Variants in RGL2 observed in about 807,000 individuals in gnomAD.
RGL2 encodes ral guanine nucleotide dissociation stimulator-like 2.
RGL2 carries 40 observed loss-of-function variants against 84.6 expected under a neutral mutation model. The ratio of observed to expected loss-of-function variants is 0.47; its 90% CI spans 0.37 to 0.62. RGL2 has a LOEUF of 0.62. RGL2 is among the 20% of genes least tolerant of loss of function. The pLI is 0.00. For synonymous variants in RGL2, 369 were observed against 417.3 expected, an observed-to-expected ratio of 0.88 and a Z score of 1.41; for missense variants, 865 against 1,019.7, an observed-to-expected ratio of 0.85 and a Z score of 2.07.
intron 16 of RGL2, 86 bp from the exon 17 acceptor site, chr6:33,292,630 T>C (rs1767524569): frequency 9.1e-7 from 1 of 1,093,716 alleles, no homozygotes; most frequent in Admixed American, 1.8e-5. Flanking sequence ...AACCACAAAA[T>C]GTTACTTGTG....
Position 33,291,849 on chromosome 6 carries a change from C to G in RGL2, c.*253G>C, listed in dbSNP as rs7754065. 729 of 587,790 alleles carry G rather than the reference C, an allele frequency of 1.2e-3. 5 individuals carry two copies. The highest frequency in any genetic ancestry group is 0.012 in the African/African-American group (649 of 53,534). The allele number at this position is 587,790 out of a possible 1,614,324, so 36.4% of individuals were successfully genotyped here. ...AGAATCAGAAACTGATGCGTTTTTC[C>G]AGCACTACCTGTGTGCTGCACTCAT... On this transcript the variant is annotated 3_prime_UTR_variant, in exon 18 of 18. Coordinates refer to ENST00000497454, the MANE Select transcript of RGL2 (RefSeq NM_004761.5).
rs1266051426 is a variant in RGL2 at position 33,294,433 on chromosome 6, G to A, written c.1353+255C>T. ...CAGGAGCCCATCACAAAACCTAGATGTGCTTACGTTTCAGGCACGTTCTAA... is the reference window on the plus strand; with the variant it reads ...CAGGAGCCCATCACAAAACCTAGATATGCTTACGTTTCAGGCACGTTCTAA... On this transcript the variant is annotated intron_variant, in intron 11 of 17. Coordinates refer to ENST00000497454, the MANE Select transcript of RGL2 (RefSeq NM_004761.5). This position sits in a 1 kb window ranked among gnomAD's most constrained non-coding sequence, Gnocchi z 5.0. Among the ~76,000 whole-genome samples, 1 of 152,110 alleles carries A rather than the reference G, an allele frequency of 6.6e-6. No individual in the cohort carries two copies. The highest frequency in any genetic ancestry group is 1.9e-4 in the East Asian group (1 of 5,190).
At position 33,294,278 on chromosome 6, in the gene RGL2, G is replaced by C. The variant is rs532194605; in HGVS notation, c.1354-212C>G. ...CCCTTTAAATTGAATTTCTCAGGTA[G>C]ACAACGAGTCTGCTTTGCAGATGAG... On this transcript the variant is annotated intron_variant, in intron 11 of 17. Coordinates refer to ENST00000497454, the MANE Select transcript of RGL2 (RefSeq NM_004761.5). This position sits in a 1 kb window ranked among gnomAD's most constrained non-coding sequence, Gnocchi z 5.0. Among the ~76,000 whole-genome samples, 7 of 152,112 alleles carry C rather than the reference G, an allele frequency of 4.6e-5. No homozygotes were observed. In the South Asian group the frequency reaches 1.5e-3, roughly 32 times the overall value.
chr6:33,296,932 C>A lies in RGL2; in HGVS notation c.240+100G>T. ...CTATGTCACACAGCAGAGTCCAGGA[C>A]TCCAGAACTCCAACCTAGCACTCTG... On this transcript the variant is annotated intron_variant, in intron 3 of 17. Coordinates refer to ENST00000497454, the MANE Select transcript of RGL2 (RefSeq NM_004761.5). The surrounding 1 kb of genome is among the most constrained non-coding windows in gnomAD (Gnocchi z 5.0). The A allele has an allele frequency of 6.7e-7, 1 of 1,485,376 alleles. No homozygotes were observed. Among genetic ancestry groups the A allele is most frequent in the Non-Finnish European group, 9.4e-7 (1 of 1,063,506 alleles). 92.0% of individuals were successfully genotyped at this position (1,485,376 alleles called of 1,614,324 possible).
chr6:33,295,838 G>A lies in RGL2; in HGVS notation c.769-79C>T. The stretch of plus-strand genomic sequence containing the variant: ...CAATATCAGGGATCTGAGGATCTCA[G>A]GTGGCCAAGGAACCAGAGGGGCACA... On this transcript the variant is annotated intron_variant, in intron 6 of 17. Coordinates refer to ENST00000497454, the MANE Select transcript of RGL2 (RefSeq NM_004761.5). This position sits in a 1 kb window ranked among gnomAD's most constrained non-coding sequence, Gnocchi z 7.2. The A allele has an allele frequency of 1.3e-6, 2 of 1,532,732 alleles. No homozygotes were observed. Among genetic ancestry groups the A allele is most frequent in the Admixed American group, 3.5e-5 (2 of 56,492 alleles). 94.9% of individuals were successfully genotyped at this position (1,532,732 alleles called of 1,614,324 possible). A position where few individuals can be genotyped will look rare whatever the true frequency, so the allele number is the denominator to read the frequency against.
chr6:33,298,885 G>A lies in RGL2; in HGVS notation c.-57C>T, dbSNP rs928099878. The A allele has an allele frequency of 8.9e-6, 3 of 337,584 alleles. No homozygotes were observed. Among genetic ancestry groups the A allele is most frequent in the African/African-American group, 2.1e-5 (1 of 47,010 alleles). 20.9% of individuals were successfully genotyped at this position (337,584 alleles called of 1,614,324 possible). On this transcript the variant is annotated 5_prime_UTR_variant, in exon 1 of 18. Coordinates refer to ENST00000497454, the MANE Select transcript of RGL2 (RefSeq NM_004761.5). This position sits in a 1 kb window ranked among gnomAD's most constrained non-coding sequence, Gnocchi z 4.8. ...AGGCTCTGACCTGCTCGGGAGGGGT[G>A]GGGGCAGCGTGGGTCCTGAGCCGCT...
In RGL2 at chr6:33,296,678, A is replaced by T. The variant is rs774553562; in HGVS notation, c.339T>A (p.Asp113Glu). ...CCAGGAAGGCTGACATGAAGCTCAC[A>T]TCAGTCCCTGATGTCCGGGTATCCA... ...HLLDTRTSGT[D>E]VSFMSAFLAT... Residue 113 changes from aspartate (D) to glutamate (E), a missense_variant, in exon 4 of 18, where the codon GAT becomes GAA. By Grantham distance (45) the Asp-to-Glu change is conservative. This residue lies in a region of RGL2 where 455 missense variants were observed against 507.8 expected (regional missense o/e 0.90). Transcript: ENST00000497454. This position sits in a 1 kb window ranked among gnomAD's most constrained non-coding sequence, Gnocchi z 5.0. 2 of 1,613,952 alleles carry T rather than the reference A, an allele frequency of 1.2e-6. No individual in the cohort carries two copies. Among genetic ancestry groups the T allele is most frequent in the Non-Finnish European group, 1.7e-6 (2 of 1,180,006 alleles).
rs1768294603 is a variant in RGL2, at chr6:33,298,921, G to A, written c.-93C>T. 7.0e-6 allele frequency: 2 copies of A among 284,642 alleles called. No homozygotes were observed. Among genetic ancestry groups the A allele is most frequent in the Non-Finnish European group, 1.3e-5 (2 of 152,900 alleles). 17.6% of individuals were successfully genotyped at this position (284,642 alleles called of 1,614,324 possible). On this transcript the variant is annotated 5_prime_UTR_variant, in exon 1 of 18. Coordinates refer to ENST00000497454, the MANE Select transcript of RGL2 (RefSeq NM_004761.5). This position sits in a 1 kb window ranked among gnomAD's most constrained non-coding sequence, Gnocchi z 4.8. ...GGGTCCTGAGCCGCTGTTGCCGTCGGTCTCCGGCCCCGGACCGAGTCCCCT... is the reference window on the plus strand; with the variant it reads ...GGGTCCTGAGCCGCTGTTGCCGTCGATCTCCGGCCCCGGACCGAGTCCCCT...
chr6:33,298,723 T>G lies in RGL2; in HGVS notation c.-41-72A>C, dbSNP rs1768269943. The G allele has an allele frequency of 4.9e-6, 3 of 606,082 alleles. No homozygotes were observed. The highest frequency in any genetic ancestry group is 5.2e-6 in the Non-Finnish European group (2 of 388,276). 37.5% of individuals were successfully genotyped at this position (606,082 alleles called of 1,614,324 possible). ...GGGGGAACCGGGCAGGGAAGGGACG[T>G]GGGTGGGTGTCAAGAAGACCGGAAG... On this transcript the variant is annotated intron_variant, in intron 1 of 17. Coordinates refer to ENST00000497454, the MANE Select transcript of RGL2 (RefSeq NM_004761.5). The surrounding 1 kb of genome is among the most constrained non-coding windows in gnomAD (Gnocchi z 4.8).
At position 33,298,496 on chromosome 6, in the gene RGL2, C is replaced by G. The variant is rs1339337518; in HGVS notation, c.115G>C (p.Val39Leu). Residue 39 changes from valine to leucine, a missense_variant, in exon 2 of 18, where the codon GTG becomes CTG. By Grantham distance (32) the Val-to-Leu change is conservative (BLOSUM62 1). Coordinates refer to ENST00000497454, the MANE Select transcript of RGL2 (RefSeq NM_004761.5). This position sits in a 1 kb window ranked among gnomAD's most constrained non-coding sequence, Gnocchi z 4.8. Reference protein sequence around the residue: ...EEGGGPGGLVVGGGQEEEEEE... With the variant: ...EEGGGPGGLVLGGGQEEEEEE... Reference sequence around the variant, plus strand: ...TCCTCTTCCTCCTGCCCCCCGCCCACGACCAGGCCACCTGGGCCCCCACCC... The same window carrying G: ...TCCTCTTCCTCCTGCCCCCCGCCCAGGACCAGGCCACCTGGGCCCCCACCC... The G allele has an allele frequency of 3.9e-6, 6 of 1,527,052 alleles. No homozygotes were observed. The South Asian group carries it at 7.2e-5, about 18-fold the overall frequency. The allele number at this position is 1,527,052 out of a possible 1,614,324, so 94.6% of individuals were successfully genotyped here.
chr6:33,300,222 T>C (rs540981524), upstream of RGL2: 1 of 152,594 alleles, frequency 6.6e-6, no homozygotes. Context: ...CGCGGGGCGG[T>C]GGGGGGGACA....
chr6:33,296,773 G>A lies in RGL2; in HGVS notation c.244C>T (p.Pro82Ser). ...CGGGAGGAACGTGGGGGAGGCATAGGGACCTGGAGAACACAGAGAGATGAT... is the reference window on the plus strand; with the variant it reads ...CGGGAGGAACGTGGGGGAGGCATAGAGACCTGGAGAACACAGAGAGATGAT... The part of the protein sequence containing the change: ...RQYRPLDPLV[P>S]MPPPRSSRRL... Residue 82 changes from proline to serine, a missense_variant, in exon 4 of 18, where the codon CCT becomes TCT. Physicochemically the swap from Pro to Ser is moderately conservative, Grantham distance 74 (BLOSUM62 -1). Around this residue, in one of 5 missense-constraint regions of RGL2, gnomAD observed 455 missense variants for 507.8 expected, o/e 0.90. Coordinates refer to ENST00000497454, the MANE Select transcript of RGL2 (RefSeq NM_004761.5). This position sits in a 1 kb window ranked among gnomAD's most constrained non-coding sequence, Gnocchi z 5.0. 1 of 1,613,974 alleles carries A rather than the reference G, an allele frequency of 6.2e-7. No individual in the cohort carries two copies. The highest frequency in any genetic ancestry group is 1.1e-5 in the South Asian group (1 of 91,082).
Position 33,295,415 on chromosome 6 carries a change from C to G in RGL2, c.1028G>C (p.Arg343Pro). Residue 343 changes from arginine (R) to proline (P), a missense_variant, in exon 8 of 18, where the codon CGG becomes CCG. Arg to Pro is a moderately radical substitution (Grantham distance 103). Around this residue, in one of 5 missense-constraint regions of RGL2, gnomAD observed 455 missense variants for 507.8 expected, o/e 0.90. Coordinates refer to ENST00000497454, the MANE Select transcript of RGL2 (RefSeq NM_004761.5). The surrounding 1 kb of genome is among the most constrained non-coding windows in gnomAD (Gnocchi z 7.2). ...AACTGAAGAGAAGTTTCGGAGCAGC[C>G]GGCACTCCTGTGGGGGTCAAAGAAG... ...EKWIRVAEEC[R>P]LLRNFSSVYA... 1 of 1,612,072 alleles carries G rather than the reference C, an allele frequency of 6.2e-7. No homozygotes were observed. Among genetic ancestry groups the G allele is most frequent in the Non-Finnish European group, 8.5e-7 (1 of 1,179,680 alleles).
At position 33,295,334 on chromosome 6, in the gene RGL2, C is replaced by A. The variant is rs764129104; in HGVS notation, c.1109G>T (p.Trp370Leu). Residue 370 changes from tryptophan (W) to leucine (L), a missense_variant, in exon 8 of 18, where the codon TGG (tryptophan) becomes TTG (leucine). By Grantham distance (61) the Trp-to-Leu change is moderately conservative (BLOSUM62 -2). Transcript: ENST00000497454. This position sits in a 1 kb window ranked among gnomAD's most constrained non-coding sequence, Gnocchi z 7.2. ...SSPIHRLRAA[W>L]GEATRDSLRV... is the part of the protein sequence containing the mutation. The stretch of plus-strand genomic sequence containing the variant: ...GCCTCCGCACCTGGTTGCTTCCCCC[C>A]AGGCTGCCCGAAGCCTGTGGATGGG... 3.2e-6 allele frequency: 5 copies of A among 1,583,220 alleles called. No individual in the cohort carries two copies. Among genetic ancestry groups the A allele is most frequent in the South Asian group, 1.1e-5 (1 of 87,846 alleles).
In RGL2 at chr6:33,297,117, T is replaced by C; in HGVS notation, c.157-2A>G. ...CTCATCCCAGACGGACACAGGGGCC[T>C]GGAGGAGCAAGGAAGGGGAAGTCAG... On this transcript the variant is annotated splice_acceptor_variant, in intron 2 of 17. Coordinates refer to ENST00000497454, the MANE Select transcript of RGL2 (RefSeq NM_004761.5). LOFTEE classifies it high-confidence loss of function. The surrounding 1 kb of genome is among the most constrained non-coding windows in gnomAD (Gnocchi z 4.0). 1 of 1,545,542 alleles carries C rather than the reference T, an allele frequency of 6.5e-7. No homozygotes were observed. Among genetic ancestry groups the C allele is most frequent in the South Asian group, 1.3e-5 (1 of 77,650 alleles).
Position 33,298,252 on chromosome 6 carries a change from G to A in RGL2, c.156+203C>T, listed in dbSNP as rs562756990. ...GAAGTTCCAGGCAGGAACAGGGCAG[G>A]TTCCTGCGGGCAGGTCCTGAGTCAC... On this transcript the variant is annotated intron_variant, in intron 2 of 17. Coordinates refer to ENST00000497454, the MANE Select transcript of RGL2 (RefSeq NM_004761.5). This position sits in a 1 kb window ranked among gnomAD's most constrained non-coding sequence, Gnocchi z 4.8. The A allele has an allele frequency of 1.2e-5, 6 of 505,918 alleles. No homozygotes were observed. Among genetic ancestry groups the A allele is most frequent in the African/African-American group, 1.0e-4 (5 of 48,742 alleles). The allele number at this position is 505,918 out of a possible 1,614,324, so 31.3% of individuals were successfully genotyped here.
In RGL2 at chr6:33,293,663, G is replaced by A; in HGVS notation, c.1545C>T (p.Ser515=). 1 of 1,614,184 alleles carries A rather than the reference G, an allele frequency of 6.2e-7. No homozygotes were observed. The highest frequency in any genetic ancestry group is 8.5e-7 in the Non-Finnish European group (1 of 1,180,034). The change falls in exon 14 of 18, where the codon TCC becomes TCT. Residue 515 remains serine (S), a synonymous_variant. Coordinates refer to ENST00000497454, the MANE Select transcript of RGL2 (RefSeq NM_004761.5). This position sits in a 1 kb window ranked among gnomAD's most constrained non-coding sequence, Gnocchi z 7.0. The part of the protein sequence containing the change: ...RVSCEVEPPG[S]SDPPAPRVLR... Reference sequence around the variant, plus strand: ...GCACCCGTGGGGCAGGAGGGTCACTGGAACCAGGTGGCTCCACCTCACAGG... The same window carrying A: ...GCACCCGTGGGGCAGGAGGGTCACTAGAACCAGGTGGCTCCACCTCACAGG...
Position 33,296,739 on chromosome 6 carries a change from C to T in RGL2, c.278G>A (p.Arg93Gln), listed in dbSNP as rs754526930. The T allele has an allele frequency of 1.7e-5, 27 of 1,613,854 alleles. No individual in the cohort carries two copies. The highest frequency in any genetic ancestry group is 2.3e-5 in the Non-Finnish European group (27 of 1,180,006). ...GACCAGGGCCTCCAGAGTGCCAGCT[C>T]GGAGCCGTCGGGAGGAACGTGGGGG... Reference protein sequence around the residue: ...MPPPRSSRRLRAGTLEALVRH... With the variant: ...MPPPRSSRRLQAGTLEALVRH... Residue 93 changes from arginine (R) to glutamine (Q), a missense_variant, in exon 4 of 18, where the codon CGA (arginine) becomes CAA (glutamine). Transcript: ENST00000497454. This position sits in a 1 kb window ranked among gnomAD's most constrained non-coding sequence, Gnocchi z 5.0.
In RGL2 at chr6:33,293,185, C is replaced by G; in HGVS notation, c.1838G>C (p.Gly613Ala). The G allele has an allele frequency of 6.3e-7, 1 of 1,596,396 alleles. No homozygotes were observed. The highest frequency in any genetic ancestry group is 8.5e-7 in the Non-Finnish European group (1 of 1,171,962). Residue 613 changes from glycine to alanine, a missense_variant, in exon 16 of 18, where the codon GGT becomes GCT. By Grantham distance (60) the Gly-to-Ala change is moderately conservative (BLOSUM62 0). Coordinates refer to ENST00000497454, the MANE Select transcript of RGL2 (RefSeq NM_004761.5). The surrounding 1 kb of genome is among the most constrained non-coding windows in gnomAD (Gnocchi z 7.0). ...PPASSPRPSR[G>A]HRRSASCGSP... is the part of the protein sequence containing the mutation. The stretch of plus-strand genomic sequence containing the variant: ...GCCACAGGAGGCTGAGCGGCGGTGA[C>G]CTCGAGAAGGCCTAGGGGAGGAGGC...
Sources: allele counts gnomAD v4.1 joint callset (sites outside exome capture counted in the v4.1 genomes callset), GRCh38; gene constraint gnomAD v4.1.1; regional missense constraint gnomAD v4.1.1; non-coding constraint Gnocchi (gnomAD v3.1); transcripts MANE v1.5; gene names NCBI Gene and HGNC (gene_info 2026-07-23, HGNC 2026-07-21).